Variants in KCNH1 observed in about 807,000 individuals in gnomAD.
KCNH1 encodes voltage-gated delayed rectifier potassium channel KCNH1.
KCNH1 carries 27 observed loss-of-function variants against 69.2 expected under a neutral mutation model. The observed-to-expected ratio is 0.39, with a 90% confidence interval of 0.29 to 0.54. The LOEUF (loss-of-function observed/expected upper bound fraction) is 0.54. KCNH1 is among the 20% of genes least tolerant of loss of function. KCNH1 has a pLI of 0.68. For missense variants in KCNH1, 798 were observed against 1,261.6 expected, an observed-to-expected ratio of 0.63 and a Z score of 5.57; for synonymous variants, 456 against 487.7, an observed-to-expected ratio of 0.93 and a Z score of 0.86.
intron 7 of KCNH1, among the ~76,000 whole-genome samples, chr1:210,876,766 A>T (rs1686384401): frequency 1.3e-5 from 2 of 152,142 alleles, no homozygotes; most frequent in African/African-American, 2.4e-5. Context: ...CAAAGCGCTC[A>T]GCTCTGTATG....
chr1:211,028,902 T>A (rs886428732), intron 5 of KCNH1, among the ~76,000 whole-genome samples: 2 of 152,114 alleles, frequency 1.3e-5, no homozygotes, highest in Admixed American at 6.5e-5. Flanking sequence ...CACTTCTCAA[T>A]TCATTTTGTG....
chr1:211,039,647 G>A (rs541852219), intron 5 of KCNH1, among the ~76,000 whole-genome samples: 3 of 152,194 alleles, frequency 2.0e-5, no homozygotes, highest in Non-Finnish European at 4.4e-5. Flanking sequence ...TGGAATCAAA[G>A]GAGATCATTT....
chr1:210,794,387 T>C (rs1173500733), intron 9 of KCNH1, among the ~76,000 whole-genome samples: 2 of 152,162 alleles, frequency 1.3e-5, no homozygotes, highest in African/African-American at 2.4e-5. Flanking sequence ...CAACAACCAC[T>C]TTGAATCCAA....
chr1:210,860,622 T>C (rs1685957154), intron 7 of KCNH1: 1 of 802,382 alleles, frequency 1.2e-6, no homozygotes, highest in Non-Finnish European at 2.3e-6. Flanking sequence ...CATCATTTTC[T>C]GTTTCTGTTA....
At chr1:210,764,033 A>G (rs1158741729) in intron 10 of KCNH1, among the ~76,000 whole-genome samples, 6 of 152,150 alleles carry the variant, frequency 3.9e-5, no homozygotes, top group Admixed American at 6.5e-5. Context: ...GAATACACCA[A>G]TGGAACAGAA....
At chr1:211,008,855 A>C (rs1051171776) in intron 6 of KCNH1, among the ~76,000 whole-genome samples, 3 of 152,222 alleles carry the variant, frequency 2.0e-5, no homozygotes, top group African/African-American at 7.2e-5. Flanking sequence ...AATTCTACTG[A>C]AAGGAGATTA....
intron 9 of KCNH1, among the ~76,000 whole-genome samples, chr1:210,786,201 T>G (rs549575595): frequency 6.6e-6 from 1 of 152,330 alleles, no homozygotes; most frequent in East Asian, 1.9e-4. Context: ...CTGATAAATC[T>G]AAAGGACACT....
chr1:210,867,362 C>CATATATAT (rs915065010), intron 7 of KCNH1, among the ~76,000 whole-genome samples: 1 of 67,270 alleles, frequency 1.5e-5, no homozygotes, highest in African/African-American at 3.4e-5. Context: ...CACACACACA[C>CATATATAT]ATATATATAT....
At chr1:210,993,954 G>A (rs568789775) in intron 6 of KCNH1, among the ~76,000 whole-genome samples, 13 of 148,784 alleles carry the variant, frequency 8.7e-5, no homozygotes, top group East Asian at 6.4e-4. Context: ...GTTTTATGAC[G>A]TTCAAAGAAA....
intron 10 of KCNH1, among the ~76,000 whole-genome samples, chr1:210,700,845 T>TA (rs1408828693): frequency 1.3e-5 from 2 of 152,234 alleles, no homozygotes; most frequent in East Asian, 3.8e-4. Flanking sequence ...AATCATTTTT[T>TA]ATGGTCTTTT....
At chr1:210,784,152 C>T (rs1196982120) in intron 9 of KCNH1, among the ~76,000 whole-genome samples, 1 of 152,226 alleles carries the variant, frequency 6.6e-6, no homozygotes, top group Non-Finnish European at 1.5e-5. Flanking sequence ...CATTCTGTGC[C>T]TCACCCCAAT....
At chr1:210,834,931 GC>G (rs1685249658) in intron 7 of KCNH1, among the ~76,000 whole-genome samples, 1 of 152,032 alleles carries the variant, frequency 6.6e-6, no homozygotes, top group South Asian at 2.1e-4. Flanking sequence ...TCTATTGTTT[GC>G]TATAGTAAAC....
chr1:211,044,105 A>G (rs185815233), intron 5 of KCNH1, among the ~76,000 whole-genome samples: 34 of 152,324 alleles, frequency 2.2e-4, no homozygotes, highest in African/African-American at 8.2e-4. Flanking sequence ...ATTAGACAAG[A>G]GAAAGAAACA....
intron 5 of KCNH1, among the ~76,000 whole-genome samples, chr1:211,060,378 G>A (rs1463991977): frequency 7.9e-6 from 1 of 125,906 alleles, no homozygotes; most frequent in Admixed American, 9.6e-5. Flanking sequence ...TCCAGCCTGG[G>A]CGACAGAGCG....
intron 7 of KCNH1, among the ~76,000 whole-genome samples, chr1:210,825,782 T>C (rs1156986936): frequency 6.6e-6 from 1 of 152,248 alleles, no homozygotes; most frequent in East Asian, 1.9e-4. Flanking sequence ...TTCTTACAGA[T>C]ACCAGTAACT....
chr1:210,856,138 A>G (rs756786423), intron 7 of KCNH1, among the ~76,000 whole-genome samples: 3 of 152,168 alleles, frequency 2.0e-5, no homozygotes, highest in Non-Finnish European at 2.9e-5. Flanking sequence ...GGCAGCTGCC[A>G]TCTAAAAACT....
At chr1:210,884,350 C>T (rs2102512979) in intron 7 of KCNH1, among the ~76,000 whole-genome samples, 1 of 152,318 alleles carries the variant, frequency 6.6e-6, no homozygotes, top group South Asian at 2.1e-4. Flanking sequence ...CTAGCACCTG[C>T]AGCCTGTCTG....
At chr1:211,007,865 C>T (rs1266470521) in intron 6 of KCNH1, among the ~76,000 whole-genome samples, 1 of 152,166 alleles carries the variant, frequency 6.6e-6, no homozygotes, top group Non-Finnish European at 1.5e-5. Flanking sequence ...TAGATGGCTA[C>T]TCTCATCCAT....
At chr1:210,863,223 T>C (rs898143715) in intron 7 of KCNH1, among the ~76,000 whole-genome samples, 3 of 152,168 alleles carry the variant, frequency 2.0e-5, no homozygotes, top group Non-Finnish European at 4.4e-5. Context: ...ACCAAGCACA[T>C]GCTTGTTACC....
Sources: gnomAD v4.1 joint callset for allele counts (sites outside exome capture counted in the v4.1 genomes callset) on GRCh38, gnomAD v4.1.1 for gene constraint, MANE v1.5 for transcripts, NCBI Gene and HGNC (gene_info 2026-07-23, HGNC 2026-07-21) for gene names.